CACFD1: variants seen among roughly 807,000 people sequenced by gnomAD.
CACFD1 encodes calcium channel flower domain containing 1, also known as calcium channel flower homolog.
Under a neutral mutation model 21.3 loss-of-function variants are expected in CACFD1, and 26 were observed. The observed-to-expected ratio is 1.22, with a 90% CI of 0.89 to 1.69. CACFD1 has a LOEUF of 1.69. Ranked by LOEUF, CACFD1 falls within the 40% of genes most tolerant of loss-of-function variation. CACFD1 has a pLI of 0.00. For missense variants in CACFD1, 265 were observed against 236.2 expected (o/e 1.12, Z -0.80); for synonymous variants, 121 against 106.6 (o/e 1.13, Z -0.83).
chr9:133,464,252 C>T (rs1355701608), intron 2 of CACFD1, among the ~76,000 whole-genome samples: 2 of 152,186 alleles, frequency 1.3e-5, no homozygotes, highest in African/African-American at 4.8e-5. Context: ...ATTCAGGTCC[C>T]GTCCCCAGTG....
intron 1 of CACFD1, 131 bp downstream of exon 1, chr9:133,460,318 C>T: frequency 2.3e-6 from 2 of 852,552 alleles, no homozygotes; most frequent in Non-Finnish European, 3.2e-6. Flanking sequence ...GGGCGCCTCC[C>T]GGGGCGGAGG....
Position 133,467,959 on chromosome 9 carries a change from C to G in CACFD1, c.359C>G (p.Thr120Ser). The stretch of plus-strand genomic sequence containing the variant: ...CCCATCGTCATCAGCCTGACCCTGA[C>G]CACGCTGCTGGGCAACGCCATCGCC... ...VVPIVISLTL[T>S]TLLGNAIAFA... Residue 120 changes from threonine to serine, a missense_variant, in exon 4 of 5, where the codon ACC (threonine) becomes AGC (serine). Coordinates refer to ENST00000316948, the MANE Select transcript of CACFD1 (RefSeq NM_017586.5). 6.2e-7 allele frequency: 1 copy of G among 1,613,804 alleles called. No individual in the cohort carries two copies. Among genetic ancestry groups the G allele is most frequent in the South Asian group, 1.1e-5 (1 of 91,072 alleles).
At position 133,462,284 on chromosome 9, in the gene CACFD1, G is replaced by T. The variant is rs966692398; in HGVS notation, c.122-1199G>T. ...CCCTTTGGGCACTCTGCTAGGACAG[G>T]CAGGCCCCTGTGTACCTGTGGTTCT... On this transcript the variant is annotated intron_variant, in intron 1 of 4. Coordinates refer to ENST00000316948, the MANE Select transcript of CACFD1 (RefSeq NM_017586.5). 2.1e-5 allele frequency: 28 copies of T among 1,303,724 alleles called. No homozygotes were observed. In the African/African-American group the frequency reaches 3.8e-4, roughly 18 times the overall value. The allele number at this position is 1,303,724 out of a possible 1,614,324, so 80.8% of individuals were successfully genotyped here. A position where few individuals can be genotyped will look rare whatever the true frequency, so the allele number is the denominator to read the frequency against.
At chr9:133,461,920 G>A (rs1554798622) in intron 1 of CACFD1, 1 of 985,296 alleles carries the variant, frequency 1.0e-6, no homozygotes, top group African/African-American at 1.7e-5. Context: ...CCAGGGTGAG[G>A]GGATCAGAGA....
intron 3 of CACFD1, among the ~76,000 whole-genome samples, chr9:133,467,523 C>T (rs1843486094): frequency 6.6e-6 from 1 of 152,206 alleles, no homozygotes; most frequent in South Asian, 2.1e-4. Flanking sequence ...CTCGGACAAG[C>T]TTTGATCCCC....
In CACFD1 at chr9:133,465,604, C is replaced by A; in HGVS notation, c.320+157C>A. 1.3e-6 allele frequency: 1 copy of A among 771,956 alleles called. No individual in the cohort carries two copies. Among genetic ancestry groups the A allele is most frequent in the Non-Finnish European group, 2.0e-6 (1 of 490,790 alleles). 47.8% of individuals were successfully genotyped at this position (771,956 alleles called of 1,614,324 possible). ...TTTGTGCACAGTGATTTGCTCATAG[C>A]TGCCAAAACGTGCCCCAGTGGTTCT... On this transcript the variant is annotated intron_variant, in intron 3 of 4. Coordinates refer to ENST00000316948, the MANE Select transcript of CACFD1 (RefSeq NM_017586.5). The surrounding 1 kb of genome is among the most constrained non-coding windows in gnomAD (Gnocchi z 5.0).
intron 3 of CACFD1, among the ~76,000 whole-genome samples, chr9:133,466,773 G>A (rs1051136578): frequency 6.8e-6 from 1 of 147,266 alleles, no homozygotes; most frequent in African/African-American, 2.5e-5. Context: ...CTTCACATTC[G>A]CATTTATCTA....
At chr9:133,464,970 A>G (rs1843375226) in intron 2 of CACFD1, 1 of 216,426 alleles carries the variant, frequency 4.6e-6, no homozygotes, top group Non-Finnish European at 9.3e-6. Flanking sequence ...CCATCTGTGG[A>G]TGAACCTGCC....
intron 1 of CACFD1, chr9:133,461,822 T>C: frequency 1.0e-6 from 1 of 970,606 alleles, no homozygotes; most frequent in Non-Finnish European, 1.2e-6. Flanking sequence ...CAGGGTAGAA[T>C]GCAAAAATGC....
In CACFD1 at chr9:133,469,804, G is replaced by C. The variant is rs951410380; in HGVS notation, c.*1151G>C. ...CAGGTGGGGTTTGGCAGAAGCGGGC[G>C]GGTGTGGAAGATATTCCATCTGGGG... On this transcript the variant is annotated 3_prime_UTR_variant, in exon 5 of 5. Transcript: ENST00000316948. 1 of 152,312 alleles carries C rather than the reference G, an allele frequency of 6.6e-6. No homozygotes were observed. Among genetic ancestry groups the C allele is most frequent in the East Asian group, 1.9e-4 (1 of 5,202 alleles). 9.4% of individuals were successfully genotyped at this position (152,312 alleles called of 1,614,324 possible). A position where few individuals can be genotyped will look rare whatever the true frequency, so the allele number is the denominator to read the frequency against.
At chr9:133,466,964 A>C (rs930959197) in intron 3 of CACFD1, among the ~76,000 whole-genome samples, 1 of 152,226 alleles carries the variant, frequency 6.6e-6, no homozygotes, top group African/African-American at 2.4e-5. Flanking sequence ...CTATTTTTCC[A>C]GGCTCTTGTT....
rs1047488482 is a variant in CACFD1 at position 133,465,247 on chromosome 9, G to T, written c.195-75G>T. On this transcript the variant is annotated intron_variant, in intron 2 of 4. Transcript: ENST00000316948. This position sits in a 1 kb window ranked among gnomAD's most constrained non-coding sequence, Gnocchi z 5.0. Reference sequence around the variant, plus strand: ...GGTGAGGGAGGTGGCATTCCTTATGGCACTGGCACTGGGGGCCGCCCTCAT... The same window carrying T: ...GGTGAGGGAGGTGGCATTCCTTATGTCACTGGCACTGGGGGCCGCCCTCAT... 46 of 1,549,802 alleles carry T rather than the reference G, an allele frequency of 3.0e-5. No individual in the cohort carries two copies. Among genetic ancestry groups the T allele is most frequent in the Admixed American group, 1.7e-5 (1 of 59,868 alleles).
chr9:133,460,762 C>T (rs1417336169), intron 1 of CACFD1, among the ~76,000 whole-genome samples: 1 of 152,102 alleles, frequency 6.6e-6, no homozygotes, highest in African/African-American at 2.4e-5. Context: ...CAGGTGGCCC[C>T]TGGGGCCGCG....
chr9:133,462,822 T>A (rs1843272907), intron 1 of CACFD1, among the ~76,000 whole-genome samples: 1 of 152,218 alleles, frequency 6.6e-6, no homozygotes, highest in South Asian at 2.1e-4. Flanking sequence ...TTCCTGGCCT[T>A]ATGGCATTTC....
intron 4 of CACFD1, 53 bp from the exon 5 acceptor site, chr9:133,468,510 G>A (rs1554800069): frequency 1.9e-6 from 3 of 1,549,478 alleles, no homozygotes; most frequent in Non-Finnish European, 2.6e-6. Flanking sequence ...GGTCAGGAGG[G>A]CTGTGGGCAT....
chr9:133,468,572 GA>G lies in CACFD1; in HGVS notation c.439del (p.Ile147SerfsTer46). On this transcript the variant is annotated frameshift_variant, in exon 5 of 5. Transcript: ENST00000316948. LOFTEE classifies it high-confidence loss of function. The stretch of plus-strand genomic sequence containing the variant: ...CTCTCTCTCTCCCCAGGGGCGATGC[GA>G]TCTCCTATGCCAGGATCCAGCAGCA... ...LSALGKKGDA[I>X]SYARIQQQRQ... 1 of 1,583,094 alleles carries G rather than the reference GA, an allele frequency of 6.3e-7. No homozygotes were observed. The highest frequency in any genetic ancestry group is 8.6e-7 in the Non-Finnish European group (1 of 1,166,596).
At chr9:133,461,432 G>T (rs739467) in intron 1 of CACFD1, among the ~76,000 whole-genome samples, 13,660 of 152,310 alleles carry the variant, frequency 0.09, 647 homozygotes, top group Middle Eastern at 0.15. Context: ...GACTTTGTAG[G>T]AGAGACTGGT....
Position 133,464,068 on chromosome 9 carries a change from C to G in CACFD1, c.194+513C>G, listed in dbSNP as rs587680174. 3.2e-3 allele frequency among the ~76,000 whole-genome samples: 494 copies of G among 152,322 alleles called. 3 individuals are homozygous for G. Among genetic ancestry groups the G allele is most frequent in the African/African-American group, 0.011 (450 of 41,564 alleles). On this transcript the variant is annotated intron_variant, in intron 2 of 4. Coordinates refer to ENST00000316948, the MANE Select transcript of CACFD1 (RefSeq NM_017586.5). ...TCACGGGAACCCGTGGTCAGAACAC[C>G]CTCATGTGCGTTCCATGCCCACCTC...
At chr9:133,460,922 G>A (rs1843179334) in intron 1 of CACFD1, among the ~76,000 whole-genome samples, 1 of 152,242 alleles carries the variant, frequency 6.6e-6, no homozygotes, top group Admixed American at 6.5e-5. Context: ...GGCTGCCAGG[G>A]AAGCTAGGCT....
Sources: gnomAD v4.1 joint callset for allele counts (sites outside exome capture counted in the v4.1 genomes callset) on GRCh38, gnomAD v4.1.1 for gene constraint, Gnocchi (gnomAD v3.1) non-coding constraint, MANE v1.5 for transcripts, NCBI Gene and HGNC (gene_info 2026-07-23, HGNC 2026-07-21) for gene names.